The following ALOX5AP variants were observed in gnomAD, a reference collection of about 807,000 sequenced individuals.
ALOX5AP encodes arachidonate 5-lipoxygenase-activating protein.
A neutral mutation model predicts 18.5 loss-of-function variants in ALOX5AP; 9 were observed. The ratio of observed to expected loss-of-function variants is 0.49; its 90% confidence interval spans 0.29 to 0.85. ALOX5AP has a LOEUF of 0.85. ALOX5AP is among the 40% of genes least tolerant of loss of function. The pLI, the probability that ALOX5AP is intolerant of heterozygous loss-of-function variation, is 0.08. For synonymous variants in ALOX5AP, 81 were observed against 78.6 expected, an observed-to-expected ratio of 1.03 and a Z score of -0.16; for missense variants, 172 against 202.5, an observed-to-expected ratio of 0.85 and a Z score of 0.91.
intron 1 of ALOX5AP, among the ~76,000 whole-genome samples, chr13:30,714,411 G>A (rs1456073273): frequency 1.3e-5 from 2 of 152,034 alleles, no homozygotes; most frequent in Non-Finnish European, 2.9e-5. Flanking sequence ...AGACCTGACG[G>A]GTCGATGTGG....
At chr13:30,735,306 ACT>A (rs1951711387), upstream of ALOX5AP, among the ~76,000 whole-genome samples, 1 of 151,578 alleles carries the variant, frequency 6.6e-6, no homozygotes, top group African/African-American at 2.4e-5. Flanking sequence ...CATTCTGGAG[ACT>A]CTCAGGGAAG....
Position 30,726,376 on chromosome 13 carries a change from T to G in ALOX5AP, c.117-9175T>G, listed in dbSNP as rs372080574. Among the ~76,000 whole-genome samples, 4 of 152,222 alleles carry G rather than the reference T, an allele frequency of 2.6e-5. No individual in the cohort carries two copies. The East Asian group carries it at 7.7e-4, about 29-fold the overall frequency. On this transcript the variant is annotated intron_variant, in intron 1 of 5. Coordinates refer to the ALOX5AP transcript ENST00000617770. ...GACACCAACCTAGTACACAGAGGAC[T>G]GATCATGGTCCAGGCCCTTCAGGAA...
chr13:30,722,935 A>C (rs1273303896), intron 1 of ALOX5AP, among the ~76,000 whole-genome samples: 4 of 152,294 alleles, frequency 2.6e-5, no homozygotes, highest in Non-Finnish European at 5.9e-5. Context: ...CTGAGGCCTC[A>C]CCAGAAGCAG....
intron 1 of ALOX5AP, among the ~76,000 whole-genome samples, chr13:30,739,495 C>T (rs192133567): frequency 3.9e-5 from 6 of 152,310 alleles, no homozygotes; most frequent in South Asian, 2.1e-4. Context: ...AGTGCAGTAG[C>T]GCAATCTCAG....
chr13:30,716,492 G>T (rs187832096), intron 1 of ALOX5AP, among the ~76,000 whole-genome samples: 1 of 152,178 alleles, frequency 6.6e-6, no homozygotes, highest in Non-Finnish European at 1.5e-5. Flanking sequence ...ATCAGATTCC[G>T]ACATTATTTG....
At chr13:30,744,497 GCC>G in intron 2 of ALOX5AP, 4 of 189,936 alleles carry the variant, frequency 2.1e-5, no homozygotes, top group South Asian at 9.6e-5. Flanking sequence ...GTGAACACCA[GCC>G]ATGACTCACC....
At chr13:30,718,423 T>G (rs1277003029) in intron 1 of ALOX5AP, among the ~76,000 whole-genome samples, 1 of 144,646 alleles carries the variant, frequency 6.9e-6, no homozygotes, top group Admixed American at 7.0e-5. Context: ...CTATAATAAC[T>G]CCACAACTAC....
chr13:30,729,859 AG>A lies in ALOX5AP; in HGVS notation c.117-5691del, dbSNP rs758040987. 9.9e-4 allele frequency among the ~76,000 whole-genome samples: 151 copies of A among 152,330 alleles called. 2 individuals carry two copies. In the Middle Eastern group the frequency reaches 0.01, roughly 10 times the overall value. ...CCACAGTTTTGTGATTATAGGCATGAGCCACCGTGCCCGGCCTTAACCTTTG... is the reference window on the plus strand; with the variant it reads ...CCACAGTTTTGTGATTATAGGCATGACCACCGTGCCCGGCCTTAACCTTTG... On this transcript the variant is annotated intron_variant, in intron 1 of 5. Coordinates refer to the ALOX5AP transcript ENST00000617770.
At chr13:30,737,381 T>C (rs1951729779) in intron 1 of ALOX5AP, among the ~76,000 whole-genome samples, 1 of 152,244 alleles carries the variant, frequency 6.6e-6, no homozygotes, top group South Asian at 2.1e-4. Context: ...CATCATGGTC[T>C]AGCAAACCCT....
intron 2 of ALOX5AP, among the ~76,000 whole-genome samples, chr13:30,745,772 C>G (rs1371036674): frequency 2.0e-5 from 3 of 152,182 alleles, no homozygotes; most frequent in Non-Finnish European, 2.9e-5. Context: ...CATCCACATG[C>G]AAGAGGTGCA....
At chr13:30,752,507 G>A (rs568770778) in intron 3 of ALOX5AP, among the ~76,000 whole-genome samples, 6 of 152,184 alleles carry the variant, frequency 3.9e-5, no homozygotes, top group Non-Finnish European at 5.9e-5. Context: ...TTCCAGTGTG[G>A]TGGCCCTCCT....
chr13:30,741,551 CCCCCA>C (rs201056017), intron 1 of ALOX5AP, among the ~76,000 whole-genome samples: 9 of 2,650 alleles, frequency 3.4e-3, no homozygotes, highest in Admixed American at 6.1e-3. Context: ...CCCCTCCCCA[CCCCCA>C]CCCCCCAACA....
At chr13:30,723,711 T>A (rs1951614053) in intron 1 of ALOX5AP, among the ~76,000 whole-genome samples, 1 of 152,234 alleles carries the variant, frequency 6.6e-6, no homozygotes, top group Non-Finnish European at 1.5e-5. Context: ...ATGAAACTCA[T>A]TTTAACTCCT....
intron 2 of ALOX5AP, among the ~76,000 whole-genome samples, chr13:30,747,791 A>G (rs553637693): frequency 6.6e-6 from 1 of 152,180 alleles, no homozygotes; most frequent in Non-Finnish European, 1.5e-5. Flanking sequence ...TTATTTAACT[A>G]CAGACACCCC....
chr13:30,752,191 C>T (rs940043127), intron 3 of ALOX5AP, 69 bp downstream of exon 3: 4 of 1,528,174 alleles, frequency 2.6e-6, no homozygotes, highest in Non-Finnish European at 3.6e-6. Flanking sequence ...AAAGGGCAGG[C>T]TTTTTGTTGA....
At chr13:30,746,517 G>A (rs1566086097) in intron 2 of ALOX5AP, among the ~76,000 whole-genome samples, 3 of 152,242 alleles carry the variant, frequency 2.0e-5, no homozygotes, top group South Asian at 4.2e-4. Context: ...TGTAAAAAGG[G>A]TCAAAGATCA....
At chr13:30,744,752 G>A (rs1951796059) in intron 2 of ALOX5AP, among the ~76,000 whole-genome samples, 1 of 152,214 alleles carries the variant, frequency 6.6e-6, no homozygotes, top group African/African-American at 2.4e-5. Flanking sequence ...CTAAAGATGG[G>A]TGCAATCTAT....
chr13:30,714,136 T>G (rs1173388702), intron 1 of ALOX5AP, among the ~76,000 whole-genome samples: 2 of 149,388 alleles, frequency 1.3e-5, no homozygotes, highest in African/African-American at 4.9e-5. Flanking sequence ...TGGAGGTAAC[T>G]CCTAGCCCTG....
At chr13:30,731,692 T>G (rs1951681847), upstream of ALOX5AP, among the ~76,000 whole-genome samples, 1 of 152,222 alleles carries the variant, frequency 6.6e-6, no homozygotes. Context: ...TTAACCCCTC[T>G]GAACCTCAGT....
Sources: gnomAD v4.1 joint callset for allele counts (sites outside exome capture counted in the v4.1 genomes callset) on GRCh38, gnomAD v4.1.1 for gene constraint, MANE v1.5 for transcripts, NCBI Gene and HGNC (gene_info 2026-07-23, HGNC 2026-07-21) for gene names.